Variants in TMEM135 observed in about 807,000 individuals in gnomAD.
TMEM135 encodes peroxisomal membrane protein 52.
Under a neutral mutation model 60.3 loss-of-function variants are expected in TMEM135, and 30 were observed. The observed-to-expected ratio is 0.50, with a 90% CI of 0.37 to 0.68. The LOEUF (loss-of-function observed/expected upper bound fraction) is 0.68. Among genes scored for constraint, TMEM135 ranks in the 30% least tolerant of loss-of-function variants. The pLI is 0.00. For synonymous variants in TMEM135, 190 were observed against 186.7 expected, an observed-to-expected ratio of 1.02 and a Z score of -0.14; for missense variants, 468 against 548.8, an observed-to-expected ratio of 0.85 and a Z score of 1.47.
intron 4 of TMEM135, among the ~76,000 whole-genome samples, chr11:87,128,719 C>T (rs1054483621): frequency 6.6e-6 from 1 of 152,100 alleles, no homozygotes; most frequent in East Asian, 1.9e-4. Flanking sequence ...TAAAACCAAA[C>T]ATGTACACAT....
At chr11:87,081,155 G>A (rs1478858296) in intron 3 of TMEM135, among the ~76,000 whole-genome samples, 1 of 151,090 alleles carries the variant, frequency 6.6e-6, no homozygotes, top group Non-Finnish European at 1.5e-5. Flanking sequence ...TTCTGCTAGT[G>A]TTAGCCTATA....
At chr11:87,132,931 C>T (rs983548457) in intron 4 of TMEM135, among the ~76,000 whole-genome samples, 3 of 152,146 alleles carry the variant, frequency 2.0e-5, no homozygotes, top group African/African-American at 7.2e-5. Context: ...AATATGCCAG[C>T]ACCACTATTT....
rs1283918438 is a variant in TMEM135, at chr11:87,322,675, T to A, written c.*1342T>A. 1 of 453,902 alleles carries A rather than the reference T, an allele frequency of 2.2e-6. No homozygotes were observed. 28.1% of individuals were successfully genotyped at this position (453,902 alleles called of 1,614,324 possible). ...AGAACTTGTGTTGCAAAAGGAATTA[T>A]AACCCATACTTTAAAAATGCTTAAT... is the stretch of plus-strand genomic sequence containing the variant. On this transcript the variant is annotated 3_prime_UTR_variant, in exon 15 of 15. Coordinates refer to ENST00000305494, the MANE Select transcript of TMEM135 (RefSeq NM_022918.4).
rs1459662984 is a variant in TMEM135, at chr11:87,176,308, G to A, written c.462+18902G>A. Among the ~76,000 whole-genome samples, 11 of 152,148 alleles carry A rather than the reference G, an allele frequency of 7.2e-5. No homozygotes were observed. The East Asian group carries it at 1.4e-3, about 19-fold the overall frequency. On this transcript the variant is annotated intron_variant, in intron 5 of 14. Coordinates refer to ENST00000305494, the MANE Select transcript of TMEM135 (RefSeq NM_022918.4). ...TCCCCATGTGATGTCTTCACATGCCGGCTCCCCTTTGCCTTCTGTCATGAA... is the reference window on the plus strand; with the variant it reads ...TCCCCATGTGATGTCTTCACATGCCAGCTCCCCTTTGCCTTCTGTCATGAA...
Position 87,324,327 on chromosome 11 carries a change from G to T in TMEM135, c.*2994G>T, listed in dbSNP as rs1025062936. On this transcript the variant is annotated 3_prime_UTR_variant, in exon 15 of 15. Coordinates refer to ENST00000305494, the MANE Select transcript of TMEM135 (RefSeq NM_022918.4). ...GTGCTAATTAGGAAGCTTCTTGTGG[G>T]ACTGAAGGGAACTGACCACTGGAGC... The T allele has an allele frequency of 2.2e-6, 1 of 453,908 alleles. No individual in the cohort carries two copies. The highest frequency in any genetic ancestry group is 2.0e-5 in the African/African-American group (1 of 49,972). 28.1% of individuals were successfully genotyped at this position (453,908 alleles called of 1,614,324 possible). A position where few individuals can be genotyped will look rare whatever the true frequency, so the allele number is the denominator to read the frequency against.
At chr11:87,049,590 G>A (rs1949823654) in intron 1 of TMEM135, among the ~76,000 whole-genome samples, 1 of 125,464 alleles carries the variant, frequency 8.0e-6, no homozygotes, top group South Asian at 2.7e-4. Flanking sequence ...TAATGGTAAA[G>A]GGATCAATTC....
At chr11:87,298,886 G>T (rs1199762025) in intron 7 of TMEM135, among the ~76,000 whole-genome samples, 1 of 151,524 alleles carries the variant, frequency 6.6e-6, no homozygotes, top group Non-Finnish European at 1.5e-5. Flanking sequence ...AGCAGATTGA[G>T]ACCAGACTGA....
At chr11:87,151,949 C>T (rs1445028410) in intron 4 of TMEM135, among the ~76,000 whole-genome samples, 1 of 152,050 alleles carries the variant, frequency 6.6e-6, no homozygotes, top group Non-Finnish European at 1.5e-5. Flanking sequence ...GGAATCTTCT[C>T]TTAGTATGAG....
At chr11:87,221,871 T>G (rs1322085578) in intron 5 of TMEM135, among the ~76,000 whole-genome samples, 1 of 152,190 alleles carries the variant, frequency 6.6e-6, no homozygotes, top group African/African-American at 2.4e-5. Flanking sequence ...GTTGGCTGAA[T>G]TTTTAAAAAT....
At chr11:87,040,960 T>G (rs2512377) in intron 1 of TMEM135, among the ~76,000 whole-genome samples, 72,230 of 151,868 alleles carry the variant, frequency 0.48, 18,491 homozygotes, top group African/African-American at 0.65. Flanking sequence ...TACAGACATT[T>G]ATTCATGCAG....
intron 13 of TMEM135, among the ~76,000 whole-genome samples, chr11:87,318,611 C>G (rs1225662785): frequency 6.6e-6 from 1 of 151,642 alleles, no homozygotes; most frequent in Non-Finnish European, 1.5e-5. Flanking sequence ...TTGCATTTCT[C>G]CAATATTATT....
At chr11:87,142,021 AC>A (rs1335176170) in intron 4 of TMEM135, among the ~76,000 whole-genome samples, 5 of 152,090 alleles carry the variant, frequency 3.3e-5, no homozygotes, top group Admixed American at 3.3e-4. Context: ...AAATGAAGGA[AC>A]CCAAGGACTT....
Position 87,323,130 on chromosome 11 carries a change from C to T in TMEM135, c.*1797C>T, listed in dbSNP as rs1487373020. The T allele has an allele frequency of 2.2e-6, 1 of 453,792 alleles. No homozygotes were observed. Among genetic ancestry groups the T allele is most frequent in the Admixed American group, 2.4e-5 (1 of 42,494 alleles). 28.1% of individuals were successfully genotyped at this position (453,792 alleles called of 1,614,324 possible). A position where few individuals can be genotyped will look rare whatever the true frequency, so the allele number is the denominator to read the frequency against. On this transcript the variant is annotated 3_prime_UTR_variant, in exon 15 of 15. Coordinates refer to ENST00000305494, the MANE Select transcript of TMEM135 (RefSeq NM_022918.4). ...TATTGTTTTCATTGACATTAAAAGA[C>T]TGTGATATTGAAAGATGAATTACGA...
chr11:87,067,807 C>G lies in TMEM135; in HGVS notation c.255C>G (p.Phe85Leu), dbSNP rs957818085. 1 of 1,613,734 alleles carries G rather than the reference C, an allele frequency of 6.2e-7. No individual in the cohort carries two copies. The highest frequency in any genetic ancestry group is 2.2e-5 in the East Asian group (1 of 44,808). The change falls in exon 2 of 15, where the codon TTC becomes TTG. Residue 85 changes from phenylalanine to leucine, a missense_variant. Phe to Leu is a conservative substitution (Grantham distance 22, BLOSUM62 0). Coordinates refer to ENST00000305494, the MANE Select transcript of TMEM135 (RefSeq NM_022918.4). ...CTAATGGGGCCTTGTATATGGCTTT[C>G]TTTTGCATTTTAAGGTTGGTACTCA... is the stretch of plus-strand genomic sequence containing the variant. ...LTANGALYMA[F>L]FCILRKILGK...
intron 2 of TMEM135, 82 bp from the exon 3 acceptor site, chr11:87,071,441 A>T: frequency 9.8e-7 from 1 of 1,023,552 alleles, no homozygotes; most frequent in East Asian, 2.4e-5. Flanking sequence ...TAGAGTATGG[A>T]TGGAGAAGGG....
chr11:87,248,020 TAAA>T (rs937741409), intron 6 of TMEM135, among the ~76,000 whole-genome samples: 1 of 20,240 alleles, frequency 4.9e-5, no homozygotes, highest in Non-Finnish European at 1.4e-4. Flanking sequence ...ATAGCCTTTT[TAAA>T]AAAAAAAAAA....
intron 6 of TMEM135, among the ~76,000 whole-genome samples, chr11:87,291,088 T>C (rs1217690762): frequency 6.6e-6 from 1 of 152,226 alleles, no homozygotes; most frequent in African/African-American, 2.4e-5. Flanking sequence ...TCCTGTATGA[T>C]TGTATCTAGT....
rs1942861177 is a variant in TMEM135 at position 87,323,437 on chromosome 11, A to G, written c.*2104A>G. On this transcript the variant is annotated 3_prime_UTR_variant, in exon 15 of 15. Coordinates refer to ENST00000305494, the MANE Select transcript of TMEM135 (RefSeq NM_022918.4). ...AAACTTTGTGTTTTTGAAGACAATC[A>G]GAATGATTACCTTTCTACCTCTAAC... 1 of 453,916 alleles carries G rather than the reference A, an allele frequency of 2.2e-6. No homozygotes were observed. Among genetic ancestry groups the G allele is most frequent in the African/African-American group, 2.0e-5 (1 of 49,990 alleles). 28.1% of individuals were successfully genotyped at this position (453,916 alleles called of 1,614,324 possible).
At chr11:87,151,918 C>A (rs950760683) in intron 4 of TMEM135, among the ~76,000 whole-genome samples, 1 of 152,130 alleles carries the variant, frequency 6.6e-6, no homozygotes, top group African/African-American at 2.4e-5. Flanking sequence ...AATTATCCTA[C>A]CTCTGTTTTT....
Sources: gnomAD v4.1 joint callset for allele counts (sites outside exome capture counted in the v4.1 genomes callset) on GRCh38, gnomAD v4.1.1 for gene constraint, MANE v1.5 for transcripts, NCBI Gene and HGNC (gene_info 2026-07-23, HGNC 2026-07-21) for gene names.